FBXL17: variants seen among roughly 807,000 people sequenced by gnomAD.
FBXL17 encodes F-box and leucine rich repeat protein 17, also known as F-box/LRR-repeat protein 17.
Under a neutral mutation model 66.2 loss-of-function variants are expected in FBXL17, and 22 were observed. The ratio of observed to expected loss-of-function variants is 0.33; its 90% CI spans 0.24 to 0.47. The LOEUF is 0.47. FBXL17 is among the 20% of genes least tolerant of loss of function. FBXL17 has a pLI of 1.00. For synonymous variants in FBXL17, 474 were observed against 400.5 expected (o/e 1.18, Z -2.19); for missense variants, 878 against 948.2 (o/e 0.93, Z 0.97).
chr5:108,222,341 T>C (rs1754901189), intron 5 of FBXL17, among the ~76,000 whole-genome samples: 1 of 152,168 alleles, frequency 6.6e-6, no homozygotes, highest in African/African-American at 2.4e-5. Flanking sequence ...GCATTTTTAC[T>C]CTACAACATA....
At chr5:108,238,409 A>T (rs1478561163) in intron 4 of FBXL17, among the ~76,000 whole-genome samples, 1 of 152,258 alleles carries the variant, frequency 6.6e-6, no homozygotes, top group African/African-American at 2.4e-5. Flanking sequence ...CTTGGAGCTT[A>T]CAATTTAGTA....
intron 3 of FBXL17, among the ~76,000 whole-genome samples, chr5:108,350,851 C>T (rs1184111544): frequency 2.6e-5 from 4 of 152,140 alleles, no homozygotes; most frequent in African/African-American, 7.2e-5. Context: ...CTCTATAAAA[C>T]ACGAGAATAC....
intron 6 of FBXL17, among the ~76,000 whole-genome samples, chr5:108,045,035 A>G (rs1179894535): frequency 6.6e-6 from 1 of 152,122 alleles, no homozygotes; most frequent in Non-Finnish European, 1.5e-5. Context: ...GTTCTTTGTC[A>G]GTATTGCTAG....
intron 6 of FBXL17, among the ~76,000 whole-genome samples, chr5:108,172,229 C>T (rs1050099921): frequency 2.0e-5 from 3 of 152,196 alleles, no homozygotes; most frequent in African/African-American, 7.2e-5. Flanking sequence ...AGCTTATTCA[C>T]ATGTTGGTGG....
chr5:108,031,420 C>T (rs1746633757), intron 6 of FBXL17, among the ~76,000 whole-genome samples: 1 of 151,952 alleles, frequency 6.6e-6, no homozygotes, highest in African/African-American at 2.4e-5. Flanking sequence ...AAAGCTTCCA[C>T]AAGTGGGATA....
At chr5:108,271,058 G>C (rs1303568292) in intron 4 of FBXL17, among the ~76,000 whole-genome samples, 1 of 145,262 alleles carries the variant, frequency 6.9e-6, no homozygotes, top group Non-Finnish European at 1.5e-5. Flanking sequence ...AAATGATGAA[G>C]ACAAATGATT....
At chr5:107,987,416 T>C (rs560931181) in intron 7 of FBXL17, among the ~76,000 whole-genome samples, 2 of 152,202 alleles carry the variant, frequency 1.3e-5, no homozygotes, top group South Asian at 2.1e-4. Flanking sequence ...ATAATATTTT[T>C]ATTTTAAGAT....
chr5:108,118,637 G>T (rs1750358702), intron 6 of FBXL17, among the ~76,000 whole-genome samples: 1 of 152,098 alleles, frequency 6.6e-6, no homozygotes, highest in African/African-American at 2.4e-5. Flanking sequence ...TTGTATGCAG[G>T]TGTTTTTAAT....
At chr5:108,015,978 T>A (rs1182206309) in intron 7 of FBXL17, among the ~76,000 whole-genome samples, 1 of 152,108 alleles carries the variant, frequency 6.6e-6, no homozygotes, top group Non-Finnish European at 1.5e-5. Context: ...ATTATCCCTT[T>A]AGGAATGCAG....
intron 7 of FBXL17, among the ~76,000 whole-genome samples, chr5:107,959,104 AT>A (rs1461540469): frequency 6.6e-6 from 1 of 151,986 alleles, no homozygotes; most frequent in African/African-American, 2.4e-5. Context: ...ACGCCATGAT[AT>A]TTCTGATGAG....
At chr5:108,047,612 G>C (rs1580369924) in intron 6 of FBXL17, among the ~76,000 whole-genome samples, 1 of 152,192 alleles carries the variant, frequency 6.6e-6, no homozygotes, top group East Asian at 1.9e-4. Context: ...GCTGGAGCCA[G>C]GGAGGCTGGA....
chr5:108,108,928 C>T (rs554169216), intron 6 of FBXL17, among the ~76,000 whole-genome samples: 1 of 151,974 alleles, frequency 6.6e-6, no homozygotes, highest in East Asian at 1.9e-4. Flanking sequence ...GGATTACAGG[C>T]ATGCACCATC....
intron 6 of FBXL17, among the ~76,000 whole-genome samples, chr5:108,110,626 G>C (rs1749995508): frequency 6.6e-6 from 1 of 152,028 alleles, no homozygotes; most frequent in African/African-American, 2.4e-5. Context: ...TCGATGCTGA[G>C]TAATGTACAA....
At chr5:108,157,274 G>C (rs1399746954) in intron 6 of FBXL17, among the ~76,000 whole-genome samples, 1 of 151,198 alleles carries the variant, frequency 6.6e-6, no homozygotes, top group Non-Finnish European at 1.5e-5. Context: ...AAAGGTTTCT[G>C]TCCAAAAGAC....
chr5:108,292,663 TG>T (rs1204222198), intron 4 of FBXL17, among the ~76,000 whole-genome samples: 8 of 152,214 alleles, frequency 5.3e-5, no homozygotes, highest in African/African-American at 1.9e-4. Context: ...ATGCTCGAAG[TG>T]TCTTTTCAAT....
chr5:108,319,641 T>A (rs1759527204), intron 4 of FBXL17, among the ~76,000 whole-genome samples: 1 of 151,780 alleles, frequency 6.6e-6, no homozygotes, highest in South Asian at 2.1e-4. Flanking sequence ...AATCGTTTAT[T>A]TTAAATGAAC....
chr5:108,266,459 G>C (rs1363623892), intron 4 of FBXL17, among the ~76,000 whole-genome samples: 2 of 152,026 alleles, frequency 1.3e-5, no homozygotes, highest in African/African-American at 4.8e-5. Context: ...CACACCCTTA[G>C]TCACTCAGTG....
chr5:108,373,220 T>A (rs1253261854), intron 1 of FBXL17, among the ~76,000 whole-genome samples: 1 of 137,836 alleles, frequency 7.3e-6, no homozygotes, highest in Non-Finnish European at 1.5e-5. Flanking sequence ...AAATATATTA[T>A]ATTAATATAA....
intron 5 of FBXL17, among the ~76,000 whole-genome samples, chr5:108,213,216 A>C (rs1053963641): frequency 6.6e-6 from 1 of 152,118 alleles, no homozygotes; most frequent in East Asian, 2.0e-4. Flanking sequence ...AGGGGATCTT[A>C]GTTTGCTGGG....
Sources: gnomAD v4.1 joint callset for allele counts (sites outside exome capture counted in the v4.1 genomes callset) on GRCh38, gnomAD v4.1.1 for gene constraint, MANE v1.5 for transcripts, NCBI Gene and HGNC (gene_info 2026-07-23, HGNC 2026-07-21) for gene names.